Variants in P2RY10 observed in about 807,000 individuals in gnomAD.
P2RY10 encodes the protein P2Y receptor family member 10, also known as putative P2Y purinoceptor 10.
Under a neutral mutation model 12.1 loss-of-function variants are expected in P2RY10, and 4 were observed. The observed-to-expected ratio is 0.33, with a 90% CI of 0.16 to 0.76. The LOEUF (loss-of-function observed/expected upper bound fraction) is 0.76. Ranked by LOEUF, P2RY10 falls within the 30% of genes least tolerant of loss-of-function variation. The pLI is 0.61. For missense variants in P2RY10, 233 were observed against 264.6 expected (o/e 0.88, Z 0.83); for synonymous variants, 112 against 94.1 (o/e 1.19, Z -1.10).
chrX:78,953,958 C>T (rs190945991), intron 3 of P2RY10, among the ~76,000 whole-genome samples: 25 of 112,027 alleles, frequency 2.2e-4, no homozygotes, highest in Middle Eastern at 4.6e-3. Context: ...TCTGTCTCCC[C>T]GGCTCAAGCG....
rs368712949 is a variant in P2RY10, at chrX:78,955,456, C to T, written c.-14+3121C>T. 1.2e-4 allele frequency among the ~76,000 whole-genome samples: 14 copies of T among 112,440 alleles called. No individual in the cohort carries two copies. The East Asian group carries it at 3.6e-3, about 29-fold the overall frequency. Reference sequence around the variant, plus strand: ...CTTGAAATTACAGAATAAATGTGAACTCAGAGTATGTTCAAAAACAGTTTT... The same window carrying T: ...CTTGAAATTACAGAATAAATGTGAATTCAGAGTATGTTCAAAAACAGTTTT... On this transcript the variant is annotated intron_variant, in intron 3 of 3. Transcript: ENST00000171757.
rs150082052 is a variant in P2RY10 at position 78,952,091 on chromosome X, G to T, written c.-156-102G>T. On this transcript the variant is annotated intron_variant, in intron 2 of 3. Transcript: ENST00000171757. ...CCATCCATGTCCCTGCAAAGGAAAT[G>T]ATCTCATTCTTTTTATGGCTGTATA... The T allele has an allele frequency of 9.8e-4, 307 of 312,872 alleles. 3 individuals carry two copies. Among genetic ancestry groups the T allele is most frequent in the African/African-American group, 8.1e-3 (280 of 34,616 alleles). 25.8% of individuals were successfully genotyped at this position (312,872 alleles called of 1,213,427 possible).
intron 2 of P2RY10, among the ~76,000 whole-genome samples, chrX:78,951,304 G>A (rs896388129): frequency 8.9e-6 from 1 of 112,227 alleles, no homozygotes; most frequent in African/African-American, 3.2e-5. Flanking sequence ...CAAAACGAAA[G>A]CTGGATTGCC....
intron 3 of P2RY10, 130 bp downstream of exon 3, chrX:78,952,465 C>T (rs1922148474): frequency 4.2e-6 from 1 of 237,367 alleles, no homozygotes; most frequent in African/African-American, 3.0e-5. Context: ...TGTATGCCAC[C>T]TTGAAGTGCA....
intron 3 of P2RY10, among the ~76,000 whole-genome samples, chrX:78,954,000 G>A (rs941093329): frequency 9.0e-6 from 1 of 111,300 alleles, no homozygotes; most frequent in African/African-American, 3.3e-5. Flanking sequence ...GAGTGGCTGG[G>A]ACCACATAGG....
rs1270835675 is a variant in P2RY10 at position 78,961,159 on chromosome X, C to T, written c.639C>T (p.Ile213=). The T allele has an allele frequency of 8.3e-7, 1 of 1,210,979 alleles. No individual in the cohort carries two copies. The highest frequency in any genetic ancestry group is 1.7e-5 in the African/African-American group (1 of 57,798). The change falls in exon 4 of 4, where the codon ATC becomes ATT. Residue 213 remains isoleucine (I), a synonymous_variant. Transcript: ENST00000171757. ...ELAGFVIPVI[I]IAWCTWKTTI... ...CAGGATTTGTGATCCCAGTGATCAT[C>T]ATCGCATGGTGTACCTGGAAAACTA...
intron 2 of P2RY10, among the ~76,000 whole-genome samples, chrX:78,950,328 G>C (rs374894001): frequency 1.8e-5 from 2 of 111,080 alleles, no homozygotes; most frequent in African/African-American, 3.3e-5. Context: ...GGAGTTAAAG[G>C]TCATCTAGTT....
In P2RY10 at chrX:78,961,030, G is replaced by A. The variant is rs369098102; in HGVS notation, c.510G>A (p.Leu170=). The A allele has an allele frequency of 1.7e-6, 2 of 1,210,036 alleles. No individual in the cohort carries two copies. Among genetic ancestry groups the A allele is most frequent in the African/African-American group, 3.5e-5 (2 of 57,202 alleles). The part of the protein sequence containing the change: ...VGTACLPFPI[L]RSTDLNNNKS... ...CTGCCTGTTTGCCATTTCCCATCCTGAGAAGCACAGACTTAAACAACAACA... is the reference window on the plus strand; with the variant it reads ...CTGCCTGTTTGCCATTTCCCATCCTAAGAAGCACAGACTTAAACAACAACA... Residue 170 remains leucine (L), a synonymous_variant, in exon 4 of 4, where the codon CTG becomes CTA. Coordinates refer to ENST00000171757, the MANE Select transcript of P2RY10 (RefSeq NM_014499.4).
At chrX:78,951,574 G>T (rs747514633) in intron 2 of P2RY10, among the ~76,000 whole-genome samples, 3 of 110,961 alleles carry the variant, frequency 2.7e-5, no homozygotes, top group Admixed American at 9.6e-5. Flanking sequence ...AGGGTTGCCC[G>T]ATGTAAGGAA....
chrX:78,949,076 A>G (rs2858574), intron 2 of P2RY10, among the ~76,000 whole-genome samples: 10 of 111,135 alleles, frequency 9.0e-5, no homozygotes, highest in Non-Finnish European at 1.7e-4. Flanking sequence ...ACTTTTTAAT[A>G]ATAGCCATTC....
intron 2 of P2RY10, among the ~76,000 whole-genome samples, chrX:78,951,277 G>A (rs903653734): frequency 8.9e-6 from 1 of 111,810 alleles, no homozygotes; most frequent in Non-Finnish European, 1.9e-5. Context: ...TAAGTTTAAG[G>A]GATTCCTGTT....
At chrX:78,949,808 A>G (rs1922024469) in intron 2 of P2RY10, among the ~76,000 whole-genome samples, 1 of 112,365 alleles carries the variant, frequency 8.9e-6, no homozygotes, top group African/African-American at 3.2e-5. Context: ...AGATTTATTC[A>G]GGAAACAGCA....
chrX:78,954,012 G>A (rs751280082), intron 3 of P2RY10, among the ~76,000 whole-genome samples: 6 of 111,106 alleles, frequency 5.4e-5, no homozygotes, highest in South Asian at 7.7e-4. Context: ...CCACATAGGC[G>A]TGCCACCGCA....
Position 78,960,440 on chromosome X carries a change from A to G in P2RY10, c.-13-68A>G. ...GTCTGTGCCTCTGTAAGTATAAAAGAGAGATCTAGGTGTTAACTAAAGAAC... is the reference window on the plus strand; with the variant it reads ...GTCTGTGCCTCTGTAAGTATAAAAGGGAGATCTAGGTGTTAACTAAAGAAC... On this transcript the variant is annotated intron_variant, in intron 3 of 3. Coordinates refer to ENST00000171757, the MANE Select transcript of P2RY10 (RefSeq NM_014499.4). 5.0e-6 allele frequency: 4 copies of G among 796,214 alleles called. No individual in the cohort carries two copies. In the South Asian group the frequency reaches 1.1e-4, roughly 21 times the overall value. The allele number at this position is 796,214 out of a possible 1,213,427, so 65.6% of individuals were successfully genotyped here.
intron 1 of P2RY10, among the ~76,000 whole-genome samples, chrX:78,946,835 C>T (rs1193890790): frequency 8.9e-6 from 1 of 112,063 alleles, no homozygotes; most frequent in Non-Finnish European, 1.9e-5. Context: ...TCAAGTTGTA[C>T]AGACTACTCA....
Position 78,960,574 on chromosome X carries a change from C to T in P2RY10, c.54C>T (p.Thr18=). 8.3e-7 allele frequency: 1 copy of T among 1,207,052 alleles called. No homozygotes were observed. Among genetic ancestry groups the T allele is most frequent in the Non-Finnish European group, 1.1e-6 (1 of 891,326 alleles). The change falls in exon 4 of 4, where the codon ACC becomes ACT. Residue 18 remains threonine, a synonymous_variant. Transcript: ENST00000171757. ...TETFKMGSNS[T]STAEIYCNVT... ...CATTCAAGATGGGTAGCAACAGTACCAGCACTGCTGAGATTTACTGTAATG... is the reference window on the plus strand; with the variant it reads ...CATTCAAGATGGGTAGCAACAGTACTAGCACTGCTGAGATTTACTGTAATG...
chrX:78,953,361 A>G (rs1922192404), intron 3 of P2RY10, among the ~76,000 whole-genome samples: 2 of 112,062 alleles, frequency 1.8e-5, no homozygotes, highest in South Asian at 7.4e-4. Flanking sequence ...AGTGAAGCTC[A>G]GTCATTATGT....
At position 78,945,414 on chromosome X, in the gene P2RY10, G is replaced by A. The variant is rs1035833384; in HGVS notation, c.-287G>A. 8.9e-6 allele frequency: 1 copy of A among 111,982 alleles called. No individual in the cohort carries two copies. Among genetic ancestry groups the A allele is most frequent in the Non-Finnish European group, 1.9e-5 (1 of 53,195 alleles). 9.2% of individuals were successfully genotyped at this position (111,982 alleles called of 1,213,427 possible). The stretch of plus-strand genomic sequence containing the variant: ...ACAACAAATGTGTCAGTTATCAGCA[G>A]GATCCATGCCGCCAGAGTAAAGCTT... On this transcript the variant is annotated 5_prime_UTR_variant, in exon 1 of 4. Coordinates refer to ENST00000171757, the MANE Select transcript of P2RY10 (RefSeq NM_014499.4).
rs1482518743 is a variant in P2RY10 at position 78,963,259 on chromosome X, A to T, written c.*1719A>T. On this transcript the variant is annotated 3_prime_UTR_variant, in exon 4 of 4. Coordinates refer to ENST00000171757, the MANE Select transcript of P2RY10 (RefSeq NM_014499.4). The stretch of plus-strand genomic sequence containing the variant: ...AAGAATGAATAGCAAAAAAAGGAGA[A>T]TTTTTTTAAAAAGATCTCTCACTGG... Among the ~76,000 whole-genome samples, 1 of 112,430 alleles carries T rather than the reference A, an allele frequency of 8.9e-6. No individual in the cohort carries two copies. The highest frequency in any genetic ancestry group is 1.9e-5 in the Non-Finnish European group (1 of 53,275).
Sources: gnomAD v4.1 joint callset for allele counts (sites outside exome capture counted in the v4.1 genomes callset) on GRCh38, gnomAD v4.1.1 for gene constraint, MANE v1.5 for transcripts, NCBI Gene and HGNC (gene_info 2026-07-23, HGNC 2026-07-21) for gene names.